Variants in GPC5 observed in about 807,000 individuals in gnomAD.
The protein encoded by GPC5 is glypican 5.
GPC5 carries 47 observed loss-of-function variants against 53.9 expected under a neutral mutation model. That is an observed-to-expected ratio of 0.87 (90% CI 0.69 to 1.11). The LOEUF (loss-of-function observed/expected upper bound fraction) is 1.11, where lower values mean the gene tolerates loss of function less well. Among genes scored for constraint, GPC5 ranks in the 50% most tolerant of loss-of-function variants. The pLI, the probability that GPC5 is intolerant of heterozygous loss-of-function variation, is 0.00. For synonymous variants in GPC5, 286 were observed against 263.3 expected, an observed-to-expected ratio of 1.09 and a Z score of -0.84; for missense variants, 748 against 713.1, an observed-to-expected ratio of 1.05 and a Z score of -0.56.
chr13:91,793,067 T>A (rs2037993182), intron 5 of GPC5, among the ~76,000 whole-genome samples: 1 of 152,210 alleles, frequency 6.6e-6, no homozygotes, highest in Admixed American at 6.5e-5. Context: ...GTTCTCATTC[T>A]GCTGCTGAAG....
intron 2 of GPC5, among the ~76,000 whole-genome samples, chr13:91,464,412 GA>G (rs1160594546): frequency 3.3e-5 from 5 of 152,104 alleles, no homozygotes; most frequent in Non-Finnish European, 7.4e-5. Context: ...TTCATGCATA[GA>G]ACTATACACG....
chr13:92,119,531 C>G (rs1381777853), intron 6 of GPC5, among the ~76,000 whole-genome samples: 3 of 145,300 alleles, frequency 2.1e-5, no homozygotes, highest in Non-Finnish European at 4.5e-5. Context: ...TCCCACGTAG[C>G]TGGGACTACA....
intron 6 of GPC5, among the ~76,000 whole-genome samples, chr13:91,975,000 A>G (rs963652028): frequency 6.6e-6 from 1 of 152,242 alleles, no homozygotes; most frequent in African/African-American, 2.4e-5. Flanking sequence ...CACAAACCTG[A>G]CAAAAACAAG....
chr13:92,046,904 T>C (rs9556141), intron 6 of GPC5, among the ~76,000 whole-genome samples: 67,177 of 152,058 alleles, frequency 0.44, 15,181 homozygotes, highest in Admixed American at 0.52. Flanking sequence ...ATGATACCAT[T>C]GAATGTTTTA....
intron 7 of GPC5, among the ~76,000 whole-genome samples, chr13:92,420,127 C>T (rs1285897797): frequency 6.6e-6 from 1 of 152,070 alleles, no homozygotes; most frequent in Non-Finnish European, 1.5e-5. Flanking sequence ...ATTGGCTAAA[C>T]TATTTTAAGT....
intron 2 of GPC5, among the ~76,000 whole-genome samples, chr13:91,538,495 AT>A (rs1205511120): frequency 6.6e-6 from 1 of 151,884 alleles, no homozygotes. Flanking sequence ...TACATGTAAT[AT>A]TTTTTAGATG....
At chr13:92,307,784 A>C (rs1196239246) in intron 7 of GPC5, among the ~76,000 whole-genome samples, 2 of 152,380 alleles carry the variant, frequency 1.3e-5, no homozygotes, top group South Asian at 2.1e-4. Flanking sequence ...CACATACAGA[A>C]AATCTAAAAT....
intron 7 of GPC5, among the ~76,000 whole-genome samples, chr13:92,484,217 A>C (rs1055744939): frequency 3.9e-5 from 6 of 152,140 alleles, no homozygotes; most frequent in African/African-American, 1.2e-4. Flanking sequence ...CACATCTTGT[A>C]CTACTGGAGG....
rs185133948 is a variant in GPC5 at position 92,556,584 on chromosome 13, C to T, written c.1562-309698C>T. ...GTCAGTTAATGCAGACATGAAAACA[C>T]CCAGTCTCAATATAAATGTGATAGG... On this transcript the variant is annotated intron_variant, in intron 7 of 7. Coordinates refer to ENST00000377067, the MANE Select transcript of GPC5 (RefSeq NM_004466.6). 1.3e-3 allele frequency among the ~76,000 whole-genome samples: 191 copies of T among 151,776 alleles called. 1 individual carries two copies. The highest frequency in any genetic ancestry group is 4.5e-3 in the African/African-American group (186 of 41,466).
At chr13:91,554,259 A>C (rs953517883) in intron 2 of GPC5, among the ~76,000 whole-genome samples, 10 of 151,858 alleles carry the variant, frequency 6.6e-5, no homozygotes, top group Non-Finnish European at 1.3e-4. Context: ...ACACACACAC[A>C]CCCCCACACA....
At chr13:91,409,169 G>A (rs184486640) in intron 1 of GPC5, among the ~76,000 whole-genome samples, 90 of 152,278 alleles carry the variant, frequency 5.9e-4, no homozygotes, top group Non-Finnish European at 9.0e-4. Context: ...TCATTGAGAT[G>A]TCTGTGTTTA....
intron 6 of GPC5, among the ~76,000 whole-genome samples, chr13:91,929,096 G>T (rs1441371472): frequency 6.6e-6 from 1 of 151,912 alleles, no homozygotes; most frequent in Non-Finnish European, 1.5e-5. Context: ...TGGCTTTTTG[G>T]ATTATGACTG....
At chr13:92,272,971 C>CA (rs574984314) in intron 7 of GPC5, among the ~76,000 whole-genome samples, 110 of 152,246 alleles carry the variant, frequency 7.2e-4, no homozygotes, top group African/African-American at 2.6e-3. Context: ...GAGAGTAAAG[C>CA]AAGTCAACTT....
intron 2 of GPC5, among the ~76,000 whole-genome samples, chr13:91,574,461 T>A (rs2032058673): frequency 6.6e-6 from 1 of 152,102 alleles, no homozygotes; most frequent in South Asian, 2.1e-4. Flanking sequence ...TTTCTGGAGT[T>A]TGATTCTACC....
intron 7 of GPC5, among the ~76,000 whole-genome samples, chr13:92,736,094 C>G (rs1012604749): frequency 6.6e-6 from 1 of 152,028 alleles, no homozygotes; most frequent in Non-Finnish European, 1.5e-5. Flanking sequence ...CCACCGTCAT[C>G]CCCCATCTCA....
intron 5 of GPC5, among the ~76,000 whole-genome samples, chr13:91,821,801 A>G (rs1436135411): frequency 6.6e-6 from 1 of 152,136 alleles, no homozygotes; most frequent in Non-Finnish European, 1.5e-5. Context: ...CTTTTTATAT[A>G]TTGATAAAAT....
At chr13:92,771,360 C>A (rs971737619) in intron 7 of GPC5, among the ~76,000 whole-genome samples, 1 of 151,980 alleles carries the variant, frequency 6.6e-6, no homozygotes, top group Non-Finnish European at 1.5e-5. Context: ...GTTTTTCTTT[C>A]GAGACAGAGT....
Position 92,626,234 on chromosome 13 carries a change from T to C in GPC5, c.1562-240048T>C, listed in dbSNP as rs1885041273. Among the ~76,000 whole-genome samples the C allele has an allele frequency of 2.6e-5, 4 of 152,318 alleles. No homozygotes were observed. The South Asian group carries it at 6.2e-4, about 24-fold the overall frequency. Reference sequence around the variant, plus strand: ...TCCTGGGAGGAAAATATTATTAATTTCATTGAAAATATTAGGTTTGAAGGG... The same window carrying C: ...TCCTGGGAGGAAAATATTATTAATTCCATTGAAAATATTAGGTTTGAAGGG... On this transcript the variant is annotated intron_variant, in intron 7 of 7. Coordinates refer to ENST00000377067, the MANE Select transcript of GPC5 (RefSeq NM_004466.6).
At chr13:92,544,933 T>C (rs548521081) in intron 7 of GPC5, among the ~76,000 whole-genome samples, 55 of 152,168 alleles carry the variant, frequency 3.6e-4, no homozygotes, top group African/African-American at 1.3e-3. Flanking sequence ...ATTTTTTTTA[T>C]TATACTTTAA....
Sources: allele counts gnomAD v4.1 joint callset (sites outside exome capture counted in the v4.1 genomes callset), GRCh38; gene constraint gnomAD v4.1.1; transcripts MANE v1.5; gene names NCBI Gene and HGNC (gene_info 2026-07-23, HGNC 2026-07-21).